Variants in PTPRK observed in about 807,000 individuals in gnomAD.
The protein encoded by PTPRK is protein tyrosine phosphatase receptor type K.
PTPRK carries 75 observed loss-of-function variants against 178.0 expected under a neutral mutation model. The observed-to-expected ratio is 0.42, with a 90% confidence interval of 0.35 to 0.51. The LOEUF (loss-of-function observed/expected upper bound fraction) is 0.51. PTPRK is among the 20% of genes least tolerant of loss of function. The pLI is 0.02. For missense variants in PTPRK, 1,441 were observed against 1,797.8 expected (o/e 0.80, Z 3.59); for synonymous variants, 637 against 620.6 (o/e 1.03, Z -0.39).
chr6:128,435,126 AAGGCAGGCAGGCAGGCAGGC>A (rs775750807), intron 1 of PTPRK, among the ~76,000 whole-genome samples: 1 of 79,460 alleles, frequency 1.3e-5, no homozygotes, highest in Non-Finnish European at 2.3e-5. Flanking sequence ...GGCAGGCAGG[AAGGCAGGCAGGCAGGCAGGC>A]AGGCAGGCAG....
chr6:127,978,229 T>G (rs1325859797), intron 25 of PTPRK, among the ~76,000 whole-genome samples: 2 of 152,206 alleles, frequency 1.3e-5, no homozygotes, highest in African/African-American at 4.8e-5. Context: ...ATGAGTCATA[T>G]TGTTTGGCTC....
At chr6:128,503,365 G>A (rs750816121) in intron 1 of PTPRK, among the ~76,000 whole-genome samples, 13 of 152,096 alleles carry the variant, frequency 8.5e-5, no homozygotes, top group African/African-American at 2.7e-4. Context: ...GGCCTGATCC[G>A]AGAAACTTAA....
chr6:128,405,771 G>A lies in PTPRK; in HGVS notation c.101-8083C>T, dbSNP rs190826083. Among the ~76,000 whole-genome samples the A allele has an allele frequency of 2.3e-3, 344 of 151,794 alleles. 3 individuals are homozygous for A. The highest frequency in any genetic ancestry group is 4.0e-3 in the Non-Finnish European group (270 of 67,940). On this transcript the variant is annotated intron_variant, in intron 1 of 29. Transcript: ENST00000368226. ...AGAGATCATTTTTCTTTTTTTTTAT[G>A]AAGGGACGTAAAACAGAATTCCGTG...
intron 6 of PTPRK, among the ~76,000 whole-genome samples, chr6:128,211,636 A>T (rs1808198818): frequency 6.6e-6 from 1 of 152,072 alleles, no homozygotes; most frequent in African/African-American, 2.4e-5. Flanking sequence ...AGTAACAGTC[A>T]GGTTCCTGAT....
At chr6:128,471,286 T>A (rs1169252882) in intron 1 of PTPRK, among the ~76,000 whole-genome samples, 1 of 152,046 alleles carries the variant, frequency 6.6e-6, no homozygotes, top group Non-Finnish European at 1.5e-5. Context: ...ACTGTGAGAT[T>A]CTTTTTACAT....
At chr6:128,087,640 C>T (rs1413223212) in intron 8 of PTPRK, among the ~76,000 whole-genome samples, 1 of 151,972 alleles carries the variant, frequency 6.6e-6, no homozygotes, top group Non-Finnish European at 1.5e-5. Flanking sequence ...GTTGTTGCTA[C>T]TTCAATTAGG....
At chr6:128,275,156 T>G (rs148860654) in intron 3 of PTPRK, among the ~76,000 whole-genome samples, 69 of 152,160 alleles carry the variant, frequency 4.5e-4, no homozygotes, top group Non-Finnish European at 8.5e-4. Flanking sequence ...ATCATCCCTA[T>G]TTTACAGATA....
intron 13 of PTPRK, among the ~76,000 whole-genome samples, chr6:128,049,292 T>C (rs1028506988): frequency 2.0e-5 from 3 of 152,180 alleles, no homozygotes; most frequent in African/African-American, 7.2e-5. Flanking sequence ...GAAAATTAGA[T>C]ACAACCAAAG....
intron 19 of PTPRK, among the ~76,000 whole-genome samples, chr6:127,992,014 T>C (rs1776665531): frequency 1.3e-5 from 2 of 151,692 alleles, no homozygotes; most frequent in Admixed American, 1.3e-4. Context: ...GTTAAAAGAG[T>C]AAACCTAGCT....
At chr6:128,284,018 TTTCTCTC>T (rs1822085492) in intron 3 of PTPRK, among the ~76,000 whole-genome samples, 1 of 152,036 alleles carries the variant, frequency 6.6e-6, no homozygotes. Flanking sequence ...GTTCTCTCTG[TTTCTCTC>T]TCTCTTTTTC....
chr6:128,073,146 A>T (rs1783134565), intron 11 of PTPRK, among the ~76,000 whole-genome samples: 1 of 152,078 alleles, frequency 6.6e-6, no homozygotes, highest in Non-Finnish European at 1.5e-5. Context: ...TTACTACAGA[A>T]TGTGGCTGTT....
intron 6 of PTPRK, among the ~76,000 whole-genome samples, chr6:128,210,303 A>G (rs1482227859): frequency 6.6e-6 from 1 of 151,912 alleles, no homozygotes; most frequent in African/African-American, 2.4e-5. Flanking sequence ...TGTTATGCAT[A>G]TACTTACTGA....
intron 1 of PTPRK, among the ~76,000 whole-genome samples, chr6:128,465,173 T>C (rs1179458903): frequency 6.8e-6 from 1 of 147,926 alleles, no homozygotes; most frequent in African/African-American, 2.4e-5. Flanking sequence ...GTAGTGAAGA[T>C]ATAGAAAAGC....
chr6:128,391,273 G>A (rs1343581635), intron 2 of PTPRK, among the ~76,000 whole-genome samples: 1 of 151,976 alleles, frequency 6.6e-6, no homozygotes, highest in Non-Finnish European at 1.5e-5. Flanking sequence ...CTACGTTAAT[G>A]GCCTCATGTT....
At chr6:128,069,360 G>C (rs1200016395) in intron 11 of PTPRK, among the ~76,000 whole-genome samples, 2 of 152,086 alleles carry the variant, frequency 1.3e-5, no homozygotes, top group African/African-American at 2.4e-5. Flanking sequence ...CCTCTGCCAA[G>C]TTGGTTGCTA....
At chr6:128,365,933 A>G (rs1180477811) in intron 2 of PTPRK, among the ~76,000 whole-genome samples, 1 of 152,170 alleles carries the variant, frequency 6.6e-6, no homozygotes, top group Non-Finnish European at 1.5e-5. Flanking sequence ...CAAGCAACAC[A>G]GACTCATGTT....
intron 1 of PTPRK, among the ~76,000 whole-genome samples, chr6:128,471,604 TAAA>T (rs34372021): frequency 3.1e-5 from 2 of 63,598 alleles, no homozygotes; most frequent in African/African-American, 5.4e-5. Context: ...CAAAACAACC[TAAA>T]AAAAAAAAAA....
chr6:128,293,414 C>G (rs1375997200), intron 3 of PTPRK, among the ~76,000 whole-genome samples: 2 of 152,020 alleles, frequency 1.3e-5, no homozygotes, highest in African/African-American at 4.8e-5. Context: ...CAAGCCAACA[C>G]CTTTTATAAG....
chr6:128,018,860 A>G (rs2114753172), intron 13 of PTPRK, among the ~76,000 whole-genome samples: 1 of 152,284 alleles, frequency 6.6e-6, no homozygotes, highest in South Asian at 2.1e-4. Flanking sequence ...ATTGTTTATC[A>G]TTTAGTACGT....
Sources: gnomAD v4.1 joint callset for allele counts (sites outside exome capture counted in the v4.1 genomes callset) on GRCh38, gnomAD v4.1.1 for gene constraint, MANE v1.5 for transcripts, NCBI Gene and HGNC (gene_info 2026-07-23, HGNC 2026-07-21) for gene names.